Variants in GRHPR observed in about 807,000 individuals in gnomAD.
GRHPR encodes the protein glyoxylate reductase/hydroxypyruvate reductase.
In GRHPR, 35 loss-of-function variants were observed where a neutral mutation model predicts 36.8. That is an observed-to-expected ratio of 0.95 (90% CI 0.73 to 1.26). The LOEUF (loss-of-function observed/expected upper bound fraction) is 1.26, where lower values mean the gene tolerates loss of function less well. GRHPR is among the 50% of genes most tolerant of loss of function. The probability of loss-of-function intolerance (pLI) is 0.00; values close to 1 mark genes in which losing one functional copy is unlikely to be tolerated. For missense variants in GRHPR, 380 were observed against 435.0 expected, an observed-to-expected ratio of 0.87 and a Z score of 1.12; for synonymous variants, 179 against 181.0, an observed-to-expected ratio of 0.99 and a Z score of 0.09.
intron 4 of GRHPR, chr9:37,428,049 G>C: frequency 3.2e-6 from 1 of 309,784 alleles, no homozygotes; most frequent in Non-Finnish European, 6.3e-6. Context: ...AGGTGGCTCA[G>C]GGCAGGCTCC....
Position 37,436,916 on chromosome 9 carries a change from T to C in GRHPR, c.*134T>C. The C allele has an allele frequency of 3.1e-6, 3 of 964,016 alleles. No individual in the cohort carries two copies. Among genetic ancestry groups the C allele is most frequent in the African/African-American group, 1.6e-5 (1 of 62,428 alleles). 59.7% of individuals were successfully genotyped at this position (964,016 alleles called of 1,614,324 possible). A position where few individuals can be genotyped will look rare whatever the true frequency, so the allele number is the denominator to read the frequency against. ...CTGAGGAAAGAGTGATTCTGATATA[T>C]GTACTTGTCACATTGGTGTTGGACA... On this transcript the variant is annotated 3_prime_UTR_variant, in exon 9 of 9. Coordinates refer to ENST00000318158, the MANE Select transcript of GRHPR (RefSeq NM_012203.2).
chr9:37,430,327 T>C, intron 6 of GRHPR, 184 bp from the exon 7 acceptor site: 1 of 679,880 alleles, frequency 1.5e-6, no homozygotes, highest in Non-Finnish European at 2.7e-6. Flanking sequence ...GCCAGAGTGG[T>C]CCAGATCCCA....
At chr9:37,424,540 GTTGGCCGCCTGC>G (rs1822984245) in intron 1 of GRHPR, among the ~76,000 whole-genome samples, 2 of 152,364 alleles carry the variant, frequency 1.3e-5, no homozygotes, top group South Asian at 4.1e-4. Context: ...CTTCCCTGCA[GTTGGCCGCCTGC>G]TTGGCCGCCC....
rs1301382770 is a variant in GRHPR at position 37,422,719 on chromosome 9, C to T, written c.-32C>T. 4.6e-6 allele frequency: 7 copies of T among 1,519,628 alleles called. No homozygotes were observed. The highest frequency in any genetic ancestry group is 1.9e-5 in the Admixed American group (1 of 52,940). The allele number at this position is 1,519,628 out of a possible 1,614,324, so 94.1% of individuals were successfully genotyped here. On this transcript the variant is annotated 5_prime_UTR_variant, in exon 1 of 9. Coordinates refer to ENST00000318158, the MANE Select transcript of GRHPR (RefSeq NM_012203.2). Reference sequence around the variant, plus strand: ...CTACATTCCCGGGCCAGCTTCTGTACTGCCAGGTCCGGGTCGGCGGCTGCA... The same window carrying T: ...CTACATTCCCGGGCCAGCTTCTGTATTGCCAGGTCCGGGTCGGCGGCTGCA...
chr9:37,428,554 A>T lies in GRHPR; in HGVS notation c.475A>T (p.Ile159Phe). 1 of 1,610,280 alleles carries T rather than the reference A, an allele frequency of 6.2e-7. No homozygotes were observed. Among genetic ancestry groups the T allele is most frequent in the African/African-American group, 1.3e-5 (1 of 75,006 alleles). ...YGLTQSTVGI[I>F]GLGRIGQAIA... ...ACTCACGCAGAGCACTGTCGGCATC[A>T]TCGGGCTGGGGCGCATAGGTGAGGC... The change falls in exon 5 of 9, where the codon ATC (isoleucine) becomes TTC (phenylalanine). Residue 159 changes from isoleucine to phenylalanine, a missense_variant. Physicochemically the swap from Ile to Phe is conservative, Grantham distance 21. Coordinates refer to ENST00000318158, the MANE Select transcript of GRHPR (RefSeq NM_012203.2).
At chr9:37,425,833 T>A (rs190675877) in intron 2 of GRHPR, 89 bp from the exon 3 acceptor site, 1 of 824,080 alleles carries the variant, frequency 1.2e-6, no homozygotes, top group Admixed American at 1.8e-5. Flanking sequence ...AAGAAAACAA[T>A]AATAAGCGGT....
chr9:37,422,677 GCCCCGC>G, upstream of GRHPR: 1 of 1,225,710 alleles, frequency 8.2e-7, no homozygotes, highest in Non-Finnish European at 1.2e-6. Flanking sequence ...CTCCAGCCTG[GCCCCGC>G]CCCGGCCCAG....
At chr9:37,425,551 G>T (rs1380170842) in intron 2 of GRHPR, among the ~76,000 whole-genome samples, 2 of 152,226 alleles carry the variant, frequency 1.3e-5, no homozygotes, top group Non-Finnish European at 2.9e-5. Context: ...GCAGGAGAGG[G>T]TAGAGAGGGT....
At chr9:37,424,201 G>C (rs995279505) in intron 1 of GRHPR, among the ~76,000 whole-genome samples, 2 of 152,242 alleles carry the variant, frequency 1.3e-5, no homozygotes, top group African/African-American at 4.8e-5. Flanking sequence ...GCTGTACCCT[G>C]CTCATGGGGA....
chr9:37,432,481 C>G (rs751878273), intron 8 of GRHPR: 4 of 333,134 alleles, frequency 1.2e-5, no homozygotes, highest in Non-Finnish European at 2.4e-5. Context: ...GGTTCGAGAC[C>G]AACCTGGCCG....
Position 37,432,330 on chromosome 9 carries a change from C to T in GRHPR, c.865+192C>T, listed in dbSNP as rs1588762069. Reference sequence around the variant, plus strand: ...CAGGAGCAGTCCTCTTGCGCATGCTCTGCTGGGTCTCTGTCCCTAAAGGAA... The same window carrying T: ...CAGGAGCAGTCCTCTTGCGCATGCTTTGCTGGGTCTCTGTCCCTAAAGGAA... On this transcript the variant is annotated intron_variant, in intron 8 of 8. Transcript: ENST00000318158. 1.5e-5 allele frequency: 9 copies of T among 601,044 alleles called. No homozygotes were observed. The East Asian group carries it at 2.9e-4, about 20-fold the overall frequency. The allele number at this position is 601,044 out of a possible 1,614,324, so 37.2% of individuals were successfully genotyped here.
intron 4 of GRHPR, among the ~76,000 whole-genome samples, chr9:37,426,997 C>T (rs1361380824): frequency 3.3e-5 from 5 of 152,076 alleles, no homozygotes; most frequent in African/African-American, 1.2e-4. Flanking sequence ...AACGTTGGCT[C>T]TGCTCAGCAC....
intron 5 of GRHPR, 163 bp from the exon 6 acceptor site, chr9:37,429,569 T>TG (rs759869846): frequency 1.1e-5 from 8 of 712,612 alleles, no homozygotes; most frequent in Non-Finnish European, 1.8e-5. Context: ...CTAGTTACAG[T>TG]GGGGCAGCCA....
chr9:37,426,011 A>G lies in GRHPR; in HGVS notation c.287+17A>G. ...CAAGAAGCGGTAACTGCAGCTTGGG[A>G]TCTGGAGGGGGCCTAGAGAGAGGGG... On this transcript the variant is annotated intron_variant, in intron 3 of 8. Transcript: ENST00000318158. 6.4e-7 allele frequency: 1 copy of G among 1,565,780 alleles called. No homozygotes were observed. Among genetic ancestry groups the G allele is most frequent in the Non-Finnish European group, 8.8e-7 (1 of 1,135,910 alleles).
chr9:37,432,709 T>G (rs1447515591), intron 8 of GRHPR: 1 of 177,148 alleles, frequency 5.6e-6, no homozygotes, highest in Non-Finnish European at 1.2e-5. Context: ...GTGGGCTGAC[T>G]ACATGTCTCC....
At chr9:37,438,702 C>G (rs879791601), downstream of GRHPR, 3 of 152,260 alleles carry the variant, frequency 2.0e-5, no homozygotes, top group Admixed American at 6.5e-5. Context: ...TCTCACAAGA[C>G]ACTGGTCCCT....
intron 8 of GRHPR, chr9:37,434,517 C>G (rs566823767): frequency 4.6e-5 from 20 of 433,618 alleles, no homozygotes; most frequent in Non-Finnish European, 3.4e-5. Flanking sequence ...AGGAAAAGCC[C>G]GCAGAACATG....
rs780431255 is a variant in GRHPR, at chr9:37,422,731, G to T, written c.-20G>T. ...GCCAGCTTCTGTACTGCCAGGTCCG[G>T]GTCGGCGGCTGCACTGCGGATGAGA... On this transcript the variant is annotated 5_prime_UTR_variant, in exon 1 of 9. Coordinates refer to ENST00000318158, the MANE Select transcript of GRHPR (RefSeq NM_012203.2). The T allele has an allele frequency of 3.9e-6, 6 of 1,556,712 alleles. No individual in the cohort carries two copies. The highest frequency in any genetic ancestry group is 5.2e-6 in the Non-Finnish European group (6 of 1,148,586).
intron 1 of GRHPR, among the ~76,000 whole-genome samples, chr9:37,423,329 G>A (rs1381964044): frequency 7.7e-6 from 1 of 129,530 alleles, no homozygotes; most frequent in Non-Finnish European, 1.8e-5. Flanking sequence ...AATCACTACC[G>A]GCTAATTTTC....
Sources: gnomAD v4.1 joint callset for allele counts (sites outside exome capture counted in the v4.1 genomes callset) on GRCh38, gnomAD v4.1.1 for gene constraint, MANE v1.5 for transcripts, NCBI Gene and HGNC (gene_info 2026-07-23, HGNC 2026-07-21) for gene names.